The following PDE1A variants were observed in gnomAD, a reference collection of about 807,000 sequenced individuals.
PDE1A encodes dual specificity calcium/calmodulin-dependent 3',5'-cyclic nucleotide phosphodiesterase 1A.
PDE1A carries 35 observed loss-of-function variants against 61.7 expected under a neutral mutation model. The ratio of observed to expected loss-of-function variants is 0.57; its 90% CI spans 0.43 to 0.75. The LOEUF (loss-of-function observed/expected upper bound fraction) is 0.75, where lower values mean the gene tolerates loss of function less well. Ranked by LOEUF, PDE1A falls within the 30% of genes least tolerant of loss-of-function variation. The probability of loss-of-function intolerance (pLI) is 0.00; values close to 1 mark genes in which losing one functional copy is unlikely to be tolerated. For synonymous variants in PDE1A, 232 were observed against 213.2 expected (o/e 1.09, Z -0.77); for missense variants, 597 against 630.6 (o/e 0.95, Z 0.57).
chr2:182,528,399 G>C, the PDE1A span, among the ~76,000 whole-genome samples: 64 of 152,326 alleles, frequency 4.2e-4, no homozygotes, highest in African/African-American at 1.5e-3. Flanking sequence ...GTATTTAACA[G>C]AAGAAATGCC....
chr2:182,276,610 C>T (rs1021572195), intron 1 of PDE1A, among the ~76,000 whole-genome samples: 1 of 112,198 alleles, frequency 8.9e-6, no homozygotes, highest in African/African-American at 3.6e-5. Flanking sequence ...GAAATCAGTG[C>T]ACCTTGAAAA....
the PDE1A span, among the ~76,000 whole-genome samples, chr2:182,529,742 G>A: frequency 6.6e-6 from 1 of 152,150 alleles, no homozygotes; most frequent in East Asian, 1.9e-4. Flanking sequence ...TGTCTTCATG[G>A]TAGTGAATAA....
chr2:182,704,993 T>C, the PDE1A span, among the ~76,000 whole-genome samples: 1 of 152,248 alleles, frequency 6.6e-6, no homozygotes, highest in African/African-American at 2.4e-5. Flanking sequence ...CAGTATTTTT[T>C]TTGATTCTTA....
At chr2:182,620,677 C>G in the PDE1A span, among the ~76,000 whole-genome samples, 1 of 152,174 alleles carries the variant, frequency 6.6e-6, no homozygotes, top group Non-Finnish European at 1.5e-5. Context: ...TTTCAGTTGT[C>G]TTATGTAATG....
chr2:182,661,943 C>T, the PDE1A span, among the ~76,000 whole-genome samples: 107,131 of 151,760 alleles, frequency 0.71, 38,241 homozygotes, highest in Middle Eastern at 0.79. Flanking sequence ...AAAACTGATA[C>T]AGTTTCAACT....
the PDE1A span, among the ~76,000 whole-genome samples, chr2:182,570,693 A>G: frequency 6.6e-6 from 1 of 152,176 alleles, no homozygotes; most frequent in Non-Finnish European, 1.5e-5. Flanking sequence ...AAAATAGGGT[A>G]AAAAGGAAAC....
At chr2:182,503,236 G>T (rs890565722) in intron 2 of PDE1A, among the ~76,000 whole-genome samples, 50 of 152,092 alleles carry the variant, frequency 3.3e-4, no homozygotes, top group African/African-American at 1.2e-3. Context: ...GAACCTTCAC[G>T]TGGACAAAGG....
intron 2 of PDE1A, among the ~76,000 whole-genome samples, chr2:182,512,419 T>C (rs1323064714): frequency 6.6e-6 from 1 of 152,020 alleles, no homozygotes; most frequent in African/African-American, 2.4e-5. Context: ...AACCCTCAAG[T>C]GCATGAAAGA....
chr2:182,554,775 A>G, the PDE1A span, among the ~76,000 whole-genome samples: 1 of 152,182 alleles, frequency 6.6e-6, no homozygotes, highest in African/African-American at 2.4e-5. Context: ...TCATCTTCTA[A>G]TGCTGGACAG....
intron 2 of PDE1A, among the ~76,000 whole-genome samples, chr2:182,438,694 G>A (rs1441269801): frequency 6.6e-6 from 1 of 151,864 alleles, no homozygotes; most frequent in Non-Finnish European, 1.5e-5. Flanking sequence ...ATCCTGGCAC[G>A]ACTTAAAGGT....
intron 2 of PDE1A, among the ~76,000 whole-genome samples, chr2:182,512,713 G>T (rs746822955): frequency 2.6e-5 from 4 of 152,146 alleles, no homozygotes; most frequent in Non-Finnish European, 4.4e-5. Context: ...CTATTAAAAT[G>T]ATTCAAGAGC....
the PDE1A span, among the ~76,000 whole-genome samples, chr2:182,626,788 TATACATATATATACATATATATATAC>T: frequency 1.8e-4 from 1 of 5,608 alleles, no homozygotes; most frequent in Non-Finnish European, 4.0e-4. Flanking sequence ...TATACATATA[TATACATATATATACATATATATATAC>T]ATATATATAT....
At chr2:182,388,561 C>T (rs903049516) in intron 1 of PDE1A, among the ~76,000 whole-genome samples, 6 of 151,792 alleles carry the variant, frequency 4.0e-5, no homozygotes, top group Non-Finnish European at 5.9e-5. Flanking sequence ...TTAATATGCA[C>T]CTAAACAGCC....
chr2:182,397,331 G>A (rs530807267), intron 1 of PDE1A, among the ~76,000 whole-genome samples: 2 of 152,008 alleles, frequency 1.3e-5, no homozygotes, highest in South Asian at 4.2e-4. Context: ...TTCAATATTG[G>A]CAATTTCATA....
the PDE1A span, among the ~76,000 whole-genome samples, chr2:182,541,096 A>C: frequency 2.0e-5 from 3 of 152,328 alleles, no homozygotes; most frequent in Non-Finnish European, 4.4e-5. Flanking sequence ...AGATATATTT[A>C]TATGTAAGAG....
chr2:182,315,795 C>G (rs770673013), intron 1 of PDE1A, among the ~76,000 whole-genome samples: 1 of 152,192 alleles, frequency 6.6e-6, no homozygotes, highest in Non-Finnish European at 1.5e-5. Context: ...TCTACAGTTT[C>G]AAGGTCCACT....
chr2:182,207,952 G>C (rs1687253008), intron 7 of PDE1A, among the ~76,000 whole-genome samples: 1 of 152,236 alleles, frequency 6.6e-6, no homozygotes, highest in Non-Finnish European at 1.5e-5. Flanking sequence ...CATGGTATTA[G>C]GCCTGTAGGT....
At chr2:182,304,276 T>G (rs935810764) in intron 1 of PDE1A, among the ~76,000 whole-genome samples, 6 of 152,184 alleles carry the variant, frequency 3.9e-5, no homozygotes, top group Non-Finnish European at 7.3e-5. Context: ...TTCATATAAT[T>G]GAAGAGAGTC....
upstream of PDE1A, among the ~76,000 whole-genome samples, chr2:182,430,556 T>G (rs1309301882): frequency 2.9e-5 from 2 of 70,112 alleles, no homozygotes; most frequent in African/African-American, 1.0e-4. Context: ...TGGTGATTCC[T>G]CAGGGATCTA....
Sources: gnomAD v4.1 joint callset for allele counts (sites outside exome capture counted in the v4.1 genomes callset) on GRCh38, gnomAD v4.1.1 for gene constraint, MANE v1.5 for transcripts, NCBI Gene and HGNC (gene_info 2026-07-23, HGNC 2026-07-21) for gene names.